The following GNG2 variants were observed in gnomAD, a reference collection of about 807,000 sequenced individuals.
GNG2 encodes the protein G protein subunit gamma 2.
Under a neutral mutation model 5.5 loss-of-function variants are expected in GNG2, and 5 were observed. The observed-to-expected ratio is 0.91, with a 90% confidence interval of 0.48 to 1.92. GNG2 has a LOEUF of 1.92. Among genes scored for constraint, GNG2 ranks in the 30% most tolerant of loss-of-function variants. The pLI, the probability that GNG2 is intolerant of heterozygous loss-of-function variation, is 0.01. For missense variants in GNG2, 55 were observed against 88.4 expected (o/e 0.62, Z 1.52); for synonymous variants, 28 against 32.0 (o/e 0.88, Z 0.42).
At chr14:51,847,600 T>C (rs1881677653) in intron 2 of GNG2, among the ~76,000 whole-genome samples, 1 of 152,164 alleles carries the variant, frequency 6.6e-6, no homozygotes, top group Admixed American at 6.5e-5. Context: ...ACCAGTGAGA[T>C]TATCTTTTAC....
chr14:51,909,986 ATT>A (rs1405984072), intron 2 of GNG2, among the ~76,000 whole-genome samples: 1 of 152,212 alleles, frequency 6.6e-6, no homozygotes, highest in Non-Finnish European at 1.5e-5. Context: ...GAATTGATCC[ATT>A]CATTCATGGA....
At chr14:51,875,251 A>G (rs920876283) in intron 1 of GNG2, among the ~76,000 whole-genome samples, 2 of 152,144 alleles carry the variant, frequency 1.3e-5, no homozygotes, top group African/African-American at 4.8e-5. Flanking sequence ...TCTTGCTTTC[A>G]TTGTCTAAGG....
chr14:51,867,853 A>T (rs1274102874), intron 1 of GNG2, among the ~76,000 whole-genome samples: 2 of 152,102 alleles, frequency 1.3e-5, no homozygotes, highest in Non-Finnish European at 2.9e-5. Flanking sequence ...TTGTTCTTTC[A>T]TCACAGCATC....
Position 51,968,950 on chromosome 14 carries a change from A to G in GNG2, c.*2263A>G, listed in dbSNP as rs1387331650. The G allele has an allele frequency of 6.6e-6, 1 of 152,212 alleles. No individual in the cohort carries two copies. Among genetic ancestry groups the G allele is most frequent in the African/African-American group, 2.4e-5 (1 of 41,462 alleles). The allele number at this position is 152,212 out of a possible 1,614,324, so 9.4% of individuals were successfully genotyped here. On this transcript the variant is annotated 3_prime_UTR_variant, in exon 4 of 4. Transcript: ENST00000556766. The stretch of plus-strand genomic sequence containing the variant: ...ACAATTTCTAGGGAGCATTTTAAGG[A>G]AAATGTTTTGGCTTTTTCATAATTT...
At chr14:51,847,110 G>A (rs1432878898) in intron 2 of GNG2, 1 of 152,214 alleles carries the variant, frequency 6.6e-6, no homozygotes, top group Non-Finnish European at 1.5e-5. Context: ...AGGTCATTAT[G>A]AAATCAACAA....
At chr14:51,958,581 C>T (rs1263052250) in intron 3 of GNG2, among the ~76,000 whole-genome samples, 1 of 152,110 alleles carries the variant, frequency 6.6e-6, no homozygotes, top group African/African-American at 2.4e-5. Flanking sequence ...ACTCCCTTCA[C>T]CTGCAGTGAG....
At chr14:51,863,080 A>G (rs556803486) in intron 1 of GNG2, among the ~76,000 whole-genome samples, 6 of 150,500 alleles carry the variant, frequency 4.0e-5, no homozygotes, top group Non-Finnish European at 7.4e-5. Context: ...GTGGACATGT[A>G]GTGAATGTGT....
At chr14:51,875,231 A>G (rs1020149516) in intron 1 of GNG2, among the ~76,000 whole-genome samples, 6 of 152,176 alleles carry the variant, frequency 3.9e-5, no homozygotes, top group African/African-American at 1.4e-4. Context: ...TATCATTCCT[A>G]TGAGGTTTCT....
chr14:51,890,552 G>C (rs1884779270), intron 2 of GNG2, among the ~76,000 whole-genome samples: 2 of 152,054 alleles, frequency 1.3e-5, no homozygotes, highest in Non-Finnish European at 2.9e-5. Context: ...TTTAGCTTGG[G>C]TTTTCTGTTA....
At chr14:51,873,054 C>T (rs1883415951) in intron 1 of GNG2, among the ~76,000 whole-genome samples, 1 of 152,168 alleles carries the variant, frequency 6.6e-6, no homozygotes, top group Non-Finnish European at 1.5e-5. Context: ...CTCCAGTGTA[C>T]AAACTCAAAT....
chr14:51,827,112 G>A (rs941550065), intron 1 of GNG2, among the ~76,000 whole-genome samples: 5 of 152,172 alleles, frequency 3.3e-5, no homozygotes, highest in African/African-American at 1.2e-4. Context: ...CCTGTATGTA[G>A]AATAATCTGG....
chr14:51,960,013 G>T (rs1889500126), intron 3 of GNG2, among the ~76,000 whole-genome samples: 1 of 151,974 alleles, frequency 6.6e-6, no homozygotes, highest in Non-Finnish European at 1.5e-5. Flanking sequence ...TGAACCTGTG[G>T]ATTTGCAGTT....
intron 1 of GNG2, among the ~76,000 whole-genome samples, chr14:51,868,206 A>C (rs1594854588): frequency 6.6e-6 from 1 of 152,232 alleles, no homozygotes; most frequent in South Asian, 2.1e-4. Context: ...GACTAGGATG[A>C]ACAAAACTGG....
chr14:51,895,948 T>C (rs1885164586), intron 2 of GNG2, among the ~76,000 whole-genome samples: 1 of 152,276 alleles, frequency 6.6e-6, no homozygotes, highest in Admixed American at 6.5e-5. Flanking sequence ...TCTTCCACCA[T>C]GACTGTGAGG....
At chr14:51,964,812 A>C (rs1344564009) in intron 3 of GNG2, among the ~76,000 whole-genome samples, 1 of 152,174 alleles carries the variant, frequency 6.6e-6, no homozygotes, top group East Asian at 1.9e-4. Flanking sequence ...GGCGTTCAAG[A>C]CCAGCATGGG....
intron 2 of GNG2, among the ~76,000 whole-genome samples, chr14:51,949,324 T>C (rs1672759131): frequency 6.6e-6 from 1 of 150,546 alleles, no homozygotes; most frequent in Non-Finnish European, 1.5e-5. Context: ...CCAAAAGAGA[T>C]AATTTATAGA....
At chr14:51,901,670 G>A (rs192480823) in intron 2 of GNG2, among the ~76,000 whole-genome samples, 67 of 150,986 alleles carry the variant, frequency 4.4e-4, no homozygotes, top group Middle Eastern at 3.4e-3. Context: ...TCTGCTCTAC[G>A]TTGTCAGGGA....
At chr14:51,862,482 T>A (rs748891253) in intron 1 of GNG2, among the ~76,000 whole-genome samples, 1 of 152,240 alleles carries the variant, frequency 6.6e-6, no homozygotes. Flanking sequence ...AAGCTGTGCA[T>A]CATGAAATGA....
intron 2 of GNG2, among the ~76,000 whole-genome samples, chr14:51,842,332 G>A (rs1338123769): frequency 6.6e-6 from 1 of 152,216 alleles, no homozygotes; most frequent in Admixed American, 6.5e-5. Flanking sequence ...GAACAAGGAA[G>A]CATCTTCCCC....
Sources: gnomAD v4.1 joint callset for allele counts (sites outside exome capture counted in the v4.1 genomes callset) on GRCh38, gnomAD v4.1.1 for gene constraint, MANE v1.5 for transcripts, NCBI Gene and HGNC (gene_info 2026-07-23, HGNC 2026-07-21) for gene names.